Variants in ATP2A1 observed in about 807,000 individuals in gnomAD.
ATP2A1 encodes the protein ATPase sarcoplasmic/endoplasmic reticulum Ca2+ transporting 1.
ATP2A1 carries 83 observed loss-of-function variants against 109.5 expected under a neutral mutation model. That is an observed-to-expected ratio of 0.76 (90% CI 0.63 to 0.91). The LOEUF (loss-of-function observed/expected upper bound fraction) is 0.91, where lower values mean the gene tolerates loss of function less well. ATP2A1 is among the 40% of genes least tolerant of loss of function. ATP2A1 has a pLI of 0.00. For missense variants in ATP2A1, 1,101 were observed against 1,341.0 expected (o/e 0.82, Z 2.80); for synonymous variants, 505 against 537.6 (o/e 0.94, Z 0.84).
At position 28,882,509 on chromosome 16, in the gene ATP2A1, A is replaced by T; in HGVS notation, c.383A>T (p.Lys128Met). 1 of 1,614,208 alleles carries T rather than the reference A, an allele frequency of 6.2e-7. No homozygotes were observed. The highest frequency in any genetic ancestry group is 8.5e-7 in the Non-Finnish European group (1 of 1,180,014). ...ALKEYEPEMG[K>M]VYRADRKSVQ... ...AAGGAGTATGAGCCAGAGATGGGGA[A>T]GGTCTACCGGGCTGACCGCAAGTCA... Residue 128 changes from lysine to methionine, a missense_variant, in exon 5 of 23, where the codon AAG (lysine) becomes ATG (methionine). Transcript: ENST00000395503.
intron 14 of ATP2A1, among the ~76,000 whole-genome samples, chr16:28,900,137 A>G (rs886513591): frequency 1.3e-5 from 2 of 151,582 alleles, no homozygotes; most frequent in Non-Finnish European, 2.9e-5. Context: ...TCTACTAAAA[A>G]TTAAAAAAAA....
intron 1 of ATP2A1, 54 bp downstream of exon 1, chr16:28,878,843 A>C: frequency 1.3e-6 from 2 of 1,559,002 alleles, no homozygotes; most frequent in Non-Finnish European, 1.8e-6. Context: ...GCACCCCCAA[A>C]ACACACGCAC....
Position 28,898,124 on chromosome 16 carries a change from A to G in ATP2A1, c.1544A>G (p.Lys515Arg). 6.2e-7 allele frequency: 1 copy of G among 1,614,160 alleles called. No homozygotes were observed. Among genetic ancestry groups the G allele is most frequent in the Non-Finnish European group, 8.5e-7 (1 of 1,180,026 alleles). Residue 515 changes from lysine (K) to arginine (R), a missense_variant and splice_region_variant, in exon 13 of 23, where the codon AAG (lysine) becomes AGG (arginine). Lys to Arg is a conservative substitution (Grantham distance 26). Transcript: ENST00000395503. This position sits in a 1 kb window ranked among gnomAD's most constrained non-coding sequence, Gnocchi z 4.0. ...RAAVGNKMFV[K>R]GAPEGVIDRC... ...GCTGTGGGCAACAAGATGTTTGTCA[A>G]GGTCAGAAATCGGAATGTGCCTCAG... is the stretch of plus-strand genomic sequence containing the variant.
chr16:28,891,811 G>A (rs1017377893), intron 9 of ATP2A1, among the ~76,000 whole-genome samples: 2 of 149,142 alleles, frequency 1.3e-5, no homozygotes, highest in African/African-American at 5.0e-5. Context: ...CCCAGGAGGC[G>A]GAGGTTGCGG....
intron 6 of ATP2A1, among the ~76,000 whole-genome samples, chr16:28,885,422 G>A (rs1053465365): frequency 1.3e-5 from 2 of 151,774 alleles, no homozygotes; most frequent in Admixed American, 1.3e-4. Context: ...TCAGCTCACT[G>A]CAACCTCTGC....
At position 28,902,939 on chromosome 16, in the gene ATP2A1, C is replaced by T; in HGVS notation, c.2744+28C>T. 6.2e-7 allele frequency: 1 copy of T among 1,613,756 alleles called. No homozygotes were observed. The highest frequency in any genetic ancestry group is 8.5e-7 in the Non-Finnish European group (1 of 1,179,912). On this transcript the variant is annotated intron_variant, in intron 19 of 22. Transcript: ENST00000395503. The surrounding 1 kb of genome is among the most constrained non-coding windows in gnomAD (Gnocchi z 4.8). The stretch of plus-strand genomic sequence containing the variant: ...GGGGGCCCCCCAGCTACACCCACCA[C>T]CCTCCCCTGAGGCCACTGCCCACAT...
chr16:28,904,433 C>T lies in ATP2A1; in HGVS notation c.*291C>T, dbSNP rs938321341. 1.3e-6 allele frequency: 2 copies of T among 1,530,194 alleles called. No individual in the cohort carries two copies. The highest frequency in any genetic ancestry group is 2.7e-5 in the African/African-American group (2 of 72,924). 94.8% of individuals were successfully genotyped at this position (1,530,194 alleles called of 1,614,324 possible). A position where few individuals can be genotyped will look rare whatever the true frequency, so the allele number is the denominator to read the frequency against. ...CAAGGCGACCGACTGCGCTGAGCTG[C>T]TTATTTATTGAAAATAAACGACGGA... On this transcript the variant is annotated 3_prime_UTR_variant, in exon 23 of 23. Coordinates refer to ENST00000395503, the MANE Select transcript of ATP2A1 (RefSeq NM_004320.6).
At chr16:28,884,696 T>A (rs762811693) in intron 6 of ATP2A1, 41 bp downstream of exon 6, 40 of 1,563,270 alleles carry the variant, frequency 2.6e-5, no homozygotes, top group Non-Finnish European at 7.0e-6. Context: ...GGGTGGGACG[T>A]GGGGAGGAAG....
intron 4 of ATP2A1, chr16:28,881,591 A>G (rs1963483194): frequency 1.1e-5 from 2 of 180,546 alleles, no homozygotes; most frequent in Non-Finnish European, 2.4e-5. Context: ...AGTTGAGGTC[A>G]GGAGTTCAAG....
chr16:28,888,954 G>T lies in ATP2A1; in HGVS notation c.1095+1G>T, dbSNP rs111816806. The T allele has an allele frequency of 6.2e-7, 1 of 1,614,104 alleles. No homozygotes were observed. The highest frequency in any genetic ancestry group is 1.1e-5 in the South Asian group (1 of 91,082). Reference sequence around the variant, plus strand: ...CACCAACCAGATGTCTGTCTGCAAGGTCAGGAGCAGTGTGGGCAGCGCGCT... The same window carrying T: ...CACCAACCAGATGTCTGTCTGCAAGTTCAGGAGCAGTGTGGGCAGCGCGCT... On this transcript the variant is annotated splice_donor_variant, in intron 9 of 22. Transcript: ENST00000395503. LOFTEE classifies it high-confidence loss of function.
chr16:28,895,023 G>A (rs1963880422), intron 12 of ATP2A1, 70 bp downstream of exon 12: 11 of 1,597,516 alleles, frequency 6.9e-6, no homozygotes, highest in Admixed American at 1.7e-5. Context: ...GAAGGCAGAG[G>A]CCCTGGTTGG....
chr16:28,891,190 G>A (rs1400229211), intron 9 of ATP2A1, among the ~76,000 whole-genome samples: 1 of 152,038 alleles, frequency 6.6e-6, no homozygotes, highest in East Asian at 1.9e-4. Flanking sequence ...TAGCTACTAA[G>A]GAGGCTGAGG....
Position 28,894,828 on chromosome 16 carries a change from G to A in ATP2A1, c.1294G>A (p.Gly432Ser), listed in dbSNP as rs752021942. 1.2e-6 allele frequency: 2 copies of A among 1,611,662 alleles called. No homozygotes were observed. The highest frequency in any genetic ancestry group is 4.5e-5 in the East Asian group (2 of 44,868). ...CCTCCTCTGCCCATCTCAGGCCAAAGGTGTCTATGAGAAGGTCGGCGAGGC... is the reference window on the plus strand; with the variant it reads ...CCTCCTCTGCCCATCTCAGGCCAAAAGTGTCTATGAGAAGGTCGGCGAGGC... Reference protein sequence around the residue: ...DSSLDFNEAKGVYEKVGEATE... With the variant: ...DSSLDFNEAKSVYEKVGEATE... Residue 432 changes from glycine (G) to serine (S), a missense_variant, in exon 12 of 23, where the codon GGT (glycine) becomes AGT (serine). Coordinates refer to ENST00000395503, the MANE Select transcript of ATP2A1 (RefSeq NM_004320.6).
rs1272454721 is a variant in ATP2A1, at chr16:28,900,942, C to T, written c.2100+26C>T. On this transcript the variant is annotated intron_variant, in intron 15 of 22. Coordinates refer to ENST00000395503, the MANE Select transcript of ATP2A1 (RefSeq NM_004320.6). Reference sequence around the variant, plus strand: ...GTGAGAGGGCCCAGGCAGCTGCAGCCTTAGTGTCCACGGAGATGACCAGAT... The same window carrying T: ...GTGAGAGGGCCCAGGCAGCTGCAGCTTTAGTGTCCACGGAGATGACCAGAT... The T allele has an allele frequency of 3.1e-6, 5 of 1,613,166 alleles. No homozygotes were observed. The African/African-American group carries it at 6.7e-5, about 22-fold the overall frequency.
At chr16:28,895,685 CAAAG>C (rs935268382) in intron 12 of ATP2A1, among the ~76,000 whole-genome samples, 4 of 149,384 alleles carry the variant, frequency 2.7e-5, no homozygotes, top group South Asian at 2.1e-4. Flanking sequence ...AAAACAAAAA[CAAAG>C]AAAGAAAGAA....
intron 9 of ATP2A1, among the ~76,000 whole-genome samples, chr16:28,893,655 GT>G (rs11304796): frequency 0.65 from 72,263 of 111,822 alleles, 22,171 homozygotes; most frequent in African/African-American, 0.81. Context: ...GTTTTTTTTT[GT>G]TTTTTTTTTT....
intron 9 of ATP2A1, among the ~76,000 whole-genome samples, chr16:28,893,357 G>A (rs1963828729): frequency 6.6e-6 from 1 of 151,634 alleles, no homozygotes; most frequent in Admixed American, 6.6e-5. Context: ...AATGAGCTAT[G>A]ATCACACCAC....
In ATP2A1 at chr16:28,879,594, G is replaced by C; in HGVS notation, c.219+11G>C. ...GCATGCATTTCCTTCGTAAGTGTGG[G>C]AGGGTCTCTGGGGGCTGGCTGGGGG... is the stretch of plus-strand genomic sequence containing the variant. On this transcript the variant is annotated intron_variant, in intron 3 of 22. Transcript: ENST00000395503. 1 of 1,613,894 alleles carries C rather than the reference G, an allele frequency of 6.2e-7. No homozygotes were observed. Among genetic ancestry groups the C allele is most frequent in the Non-Finnish European group, 8.5e-7 (1 of 1,179,876 alleles).
Position 28,880,068 on chromosome 16 carries a change from T to A in ATP2A1, c.219+485T>A. 1.0e-6 allele frequency: 1 copy of A among 1,004,266 alleles called. No homozygotes were observed. Among genetic ancestry groups the A allele is most frequent in the Non-Finnish European group, 1.2e-6 (1 of 844,658 alleles). The allele number at this position is 1,004,266 out of a possible 1,614,324, so 62.2% of individuals were successfully genotyped here. On this transcript the variant is annotated intron_variant, in intron 3 of 22. Transcript: ENST00000395503. The surrounding 1 kb of genome is among the most constrained non-coding windows in gnomAD (Gnocchi z 4.2). Reference sequence around the variant, plus strand: ...GTGGCGGGAAAGCGCGGCGGTGTGATGATGACTCCAAGGAGCCCGGCGCCC... The same window carrying A: ...GTGGCGGGAAAGCGCGGCGGTGTGAAGATGACTCCAAGGAGCCCGGCGCCC...
Sources: allele counts gnomAD v4.1 joint callset (sites outside exome capture counted in the v4.1 genomes callset), GRCh38; gene constraint gnomAD v4.1.1; non-coding constraint Gnocchi (gnomAD v3.1); transcripts MANE v1.5; gene names NCBI Gene and HGNC (gene_info 2026-07-23, HGNC 2026-07-21).